Variants in FOXP1 observed in about 807,000 individuals in gnomAD.
FOXP1 encodes the protein forkhead box P1.
A neutral mutation model predicts 98.2 loss-of-function variants in FOXP1; 15 were observed. The observed-to-expected ratio is 0.15, with a 90% confidence interval of 0.10 to 0.24. The LOEUF (loss-of-function observed/expected upper bound fraction) is 0.24, where lower values mean the gene tolerates loss of function less well. FOXP1 is among the 10% of genes least tolerant of loss of function. FOXP1 has a pLI of 1.00. For missense variants in FOXP1, 633 were observed against 848.5 expected, an observed-to-expected ratio of 0.75 and a Z score of 3.15; for synonymous variants, 371 against 314.5, an observed-to-expected ratio of 1.18 and a Z score of -1.90.
Position 71,364,559 on chromosome 3 carries a change from T to G in FOXP1, c.-167-5315A>C, listed in dbSNP as rs377211680. On this transcript the variant is annotated intron_variant, in intron 3 of 20. Coordinates refer to ENST00000649528, the MANE Select transcript of FOXP1 (RefSeq NM_001349338.3). ...TGAATTGGCTTTTAATATCCAAACT[T>G]TACAGAAAATACATGTTTTATTTAT... Among the ~76,000 whole-genome samples, 4 of 152,172 alleles carry G rather than the reference T, an allele frequency of 2.6e-5. No homozygotes were observed. The East Asian group carries it at 7.7e-4, about 29-fold the overall frequency.
intron 3 of FOXP1, among the ~76,000 whole-genome samples, chr3:71,449,319 T>C (rs2086725820): frequency 1.3e-5 from 2 of 152,186 alleles, no homozygotes; most frequent in East Asian, 1.9e-4. Context: ...TGACAGCAAA[T>C]GCCTCCTTAA....
intron 3 of FOXP1, among the ~76,000 whole-genome samples, chr3:71,417,574 T>TTC (rs397801848): frequency 6.6e-6 from 1 of 151,858 alleles, no homozygotes; most frequent in Admixed American, 6.6e-5. Flanking sequence ...GATTTTTTTT[T>TTC]CACATCTGAG....
chr3:71,378,505 T>C (rs1424991818), intron 3 of FOXP1, among the ~76,000 whole-genome samples: 1 of 152,122 alleles, frequency 6.6e-6, no homozygotes, highest in Non-Finnish European at 1.5e-5. Context: ...GAGTCATTGC[T>C]TTGTCCAGGG....
intron 6 of FOXP1, among the ~76,000 whole-genome samples, chr3:71,153,494 C>A (rs1033396641): frequency 2.0e-5 from 3 of 147,936 alleles, no homozygotes; most frequent in Non-Finnish European, 4.5e-5. Context: ...GCTGCCCCCA[C>A]TGCCCCCCGC....
chr3:71,454,767 C>A (rs957161318), intron 3 of FOXP1, among the ~76,000 whole-genome samples: 1 of 150,906 alleles, frequency 6.6e-6, no homozygotes, highest in African/African-American at 2.4e-5. Context: ...TACGTGGATT[C>A]GAATCATCAA....
intron 2 of FOXP1, among the ~76,000 whole-genome samples, chr3:71,564,660 T>C (rs1375790992): frequency 6.6e-6 from 1 of 152,214 alleles, no homozygotes; most frequent in Non-Finnish European, 1.5e-5. Context: ...CAGGCTGAGA[T>C]TAGCAACACT....
chr3:71,286,668 G>C (rs1399412472), intron 5 of FOXP1, among the ~76,000 whole-genome samples: 1 of 151,980 alleles, frequency 6.6e-6, no homozygotes, highest in Non-Finnish European at 1.5e-5. Flanking sequence ...TGGGGAAGTG[G>C]GAAAATATCG....
At chr3:71,388,722 A>G (rs920799376) in intron 3 of FOXP1, among the ~76,000 whole-genome samples, 4 of 152,238 alleles carry the variant, frequency 2.6e-5, no homozygotes, top group Admixed American at 6.5e-5. Context: ...ACATATAATA[A>G]AAATGCCATA....
chr3:71,304,908 T>C (rs2074148520), intron 4 of FOXP1: 1 of 152,162 alleles, frequency 6.6e-6, no homozygotes, highest in Non-Finnish European at 1.5e-5. Flanking sequence ...AGTTAACCGG[T>C]CATGAAAACT....
chr3:71,445,313 G>A lies in FOXP1; in HGVS notation c.-168+48113C>T, dbSNP rs139036404. 7.2e-3 allele frequency among the ~76,000 whole-genome samples: 1,094 copies of A among 152,286 alleles called. 8 individuals carry two copies. Among genetic ancestry groups the A allele is most frequent in the Non-Finnish European group, 0.011 (719 of 68,024 alleles). The stretch of plus-strand genomic sequence containing the variant: ...AGGAGGTGTACTGCACAACTGAAAC[G>A]AGTGCCACACACATCTCCAGCAATG... On this transcript the variant is annotated intron_variant, in intron 3 of 20. Coordinates refer to ENST00000649528, the MANE Select transcript of FOXP1 (RefSeq NM_001349338.3).
At chr3:71,326,956 T>C (rs2075728319) in intron 4 of FOXP1, among the ~76,000 whole-genome samples, 1 of 152,178 alleles carries the variant, frequency 6.6e-6, no homozygotes, top group Non-Finnish European at 1.5e-5. Flanking sequence ...ATTATACTCT[T>C]CTTATCTCCA....
intron 3 of FOXP1, among the ~76,000 whole-genome samples, chr3:71,391,799 A>G (rs752377717): frequency 2.6e-5 from 4 of 152,218 alleles, no homozygotes; most frequent in South Asian, 2.1e-4. Flanking sequence ...GCAGCAATCT[A>G]TATCTGTGAG....
intron 7 of FOXP1, among the ~76,000 whole-genome samples, chr3:71,077,919 A>G (rs770120068): frequency 6.1e-5 from 9 of 147,776 alleles, no homozygotes; most frequent in South Asian, 2.1e-4. Flanking sequence ...CGCAACCTCC[A>G]CCTCCCGGGT....
At chr3:71,170,989 G>A (rs981746856) in intron 6 of FOXP1, among the ~76,000 whole-genome samples, 1 of 152,014 alleles carries the variant, frequency 6.6e-6, no homozygotes, top group African/African-American at 2.4e-5. Context: ...TCCAAACCAG[G>A]AAGGCGGGCA....
chr3:71,242,498 C>T (rs2067367929), intron 5 of FOXP1, among the ~76,000 whole-genome samples: 1 of 152,324 alleles, frequency 6.6e-6, no homozygotes. Context: ...TGGCTGGAAT[C>T]AGCATGCACA....
At chr3:71,134,298 G>A (rs367946531) in intron 6 of FOXP1, among the ~76,000 whole-genome samples, 1 of 152,154 alleles carries the variant, frequency 6.6e-6, no homozygotes, top group African/African-American at 2.4e-5. Flanking sequence ...TTTAATGATG[G>A]CTCCCCAGGG....
chr3:71,054,758 TAAGGA>T (rs1280809745), intron 7 of FOXP1, among the ~76,000 whole-genome samples: 1 of 151,524 alleles, frequency 6.6e-6, no homozygotes, highest in African/African-American at 2.4e-5. Flanking sequence ...AATAAAAAGA[TAAGGA>T]AAGAAAAAAC....
At chr3:71,280,028 C>G (rs1196494196) in intron 5 of FOXP1, among the ~76,000 whole-genome samples, 1 of 148,902 alleles carries the variant, frequency 6.7e-6, no homozygotes, top group Non-Finnish European at 1.5e-5. Context: ...GAGGCTGAGG[C>G]AGGAGAATGG....
intron 12 of FOXP1, among the ~76,000 whole-genome samples, chr3:71,006,230 C>A (rs1171132470): frequency 6.6e-6 from 1 of 151,990 alleles, no homozygotes; most frequent in Non-Finnish European, 1.5e-5. Context: ...TTGAAAATGA[C>A]AACTAACTTA....
Sources: allele counts gnomAD v4.1 joint callset (sites outside exome capture counted in the v4.1 genomes callset), GRCh38; gene constraint gnomAD v4.1.1; transcripts MANE v1.5; gene names NCBI Gene and HGNC (gene_info 2026-07-23, HGNC 2026-07-21).